PSMD13: variants seen among roughly 807,000 people sequenced by gnomAD.
The protein encoded by PSMD13 is 26S proteasome non-ATPase regulatory subunit 13.
PSMD13 carries 8 observed loss-of-function variants against 57.4 expected under a neutral mutation model. The observed-to-expected ratio is 0.14, with a 90% CI of 0.08 to 0.25. PSMD13 has a LOEUF of 0.25. PSMD13 is among the 10% of genes least tolerant of loss of function. PSMD13 has a pLI of 1.00. For synonymous variants in PSMD13, 193 were observed against 168.2 expected, an observed-to-expected ratio of 1.15 and a Z score of -1.14; for missense variants, 400 against 461.5, an observed-to-expected ratio of 0.87 and a Z score of 1.22.
intron 6 of PSMD13, among the ~76,000 whole-genome samples, chr11:245,559 G>A (rs938020446): frequency 6.6e-6 from 1 of 151,958 alleles, no homozygotes; most frequent in African/African-American, 2.4e-5. Context: ...GTTCAATTAT[G>A]TTTTGGTGCA....
intron 9 of PSMD13, among the ~76,000 whole-genome samples, chr11:249,333 T>C (rs1175477938): frequency 6.6e-6 from 1 of 151,890 alleles, no homozygotes. Context: ...TCACAGAAGA[T>C]GTAGAAGTCA....
In PSMD13 at chr11:252,657, C is replaced by T; in HGVS notation, c.*57C>T. 1 of 1,524,702 alleles carries T rather than the reference C, an allele frequency of 6.6e-7. No individual in the cohort carries two copies. The highest frequency in any genetic ancestry group is 9.1e-7 in the Non-Finnish European group (1 of 1,101,250). The allele number at this position is 1,524,702 out of a possible 1,614,324, so 94.4% of individuals were successfully genotyped here. ...ACTCACCTGAGAGAGGCGTTTGCAG[C>T]CAATGAAGCTGGCTGCTCAGACGGT... On this transcript the variant is annotated 3_prime_UTR_variant, in exon 13 of 13. Coordinates refer to ENST00000532097, the MANE Select transcript of PSMD13 (RefSeq NM_002817.4). This position sits in a 1 kb window ranked among gnomAD's most constrained non-coding sequence, Gnocchi z 4.1.
intron 2 of PSMD13, among the ~76,000 whole-genome samples, chr11:239,823 C>G (rs1456524067): frequency 6.6e-6 from 1 of 152,114 alleles, no homozygotes; most frequent in East Asian, 1.9e-4. Context: ...ATGGCTTTCT[C>G]TGATTCTGAA....
intron 1 of PSMD13, among the ~76,000 whole-genome samples, chr11:237,831 T>C (rs1859377010): frequency 6.6e-6 from 1 of 152,234 alleles, no homozygotes. Context: ...AACCTCCTTT[T>C]AATATGAGTA....
intron 6 of PSMD13, among the ~76,000 whole-genome samples, chr11:245,703 T>C: frequency 4.6e-5 from 1 of 21,844 alleles, no homozygotes; most frequent in African/African-American, 1.2e-4. Context: ...TTCGTGTGTT[T>C]GTGTGTGTTT....
chr11:243,565 C>A (rs150905684), intron 2 of PSMD13: 12 of 358,324 alleles, frequency 3.3e-5, no homozygotes, highest in Non-Finnish European at 4.9e-5. Context: ...CAGTGGTCTT[C>A]TTATTATTTA....
chr11:252,426 C>A lies in PSMD13; in HGVS notation c.1036-79C>A. On this transcript the variant is annotated intron_variant, in intron 12 of 12. Coordinates refer to ENST00000532097, the MANE Select transcript of PSMD13 (RefSeq NM_002817.4). The surrounding 1 kb of genome is among the most constrained non-coding windows in gnomAD (Gnocchi z 4.1). ...AGTTAGCTGGAGATGTAGAGTCACC[C>A]CATCAGGTGCTGTGCCGGCCGCTCG... 1 of 1,309,464 alleles carries A rather than the reference C, an allele frequency of 7.6e-7. No individual in the cohort carries two copies. Among genetic ancestry groups the A allele is most frequent in the South Asian group, 1.2e-5 (1 of 83,504 alleles). The allele number at this position is 1,309,464 out of a possible 1,614,324, so 81.1% of individuals were successfully genotyped here.
intron 7 of PSMD13, chr11:248,214 T>C (rs554863444): frequency 6.5e-6 from 1 of 153,272 alleles, no homozygotes; most frequent in South Asian, 2.0e-4. Flanking sequence ...CCTGTGAGTT[T>C]TGGAAAAAGT....
chr11:250,230 G>T (rs1210182686), intron 9 of PSMD13, among the ~76,000 whole-genome samples: 2 of 152,210 alleles, frequency 1.3e-5, no homozygotes, highest in Non-Finnish European at 2.9e-5. Flanking sequence ...GTTTAATTCT[G>T]TGCTCACAGG....
chr11:247,582 A>G, intron 7 of PSMD13, 134 bp downstream of exon 7: 2 of 994,158 alleles, frequency 2.0e-6, no homozygotes, highest in Non-Finnish European at 2.9e-6. Context: ...CTGTAATCCC[A>G]GCACTTTGGA....
At chr11:250,739 C>A in intron 9 of PSMD13, 64 bp from the exon 10 acceptor site, 1 of 1,473,852 alleles carries the variant, frequency 6.8e-7, no homozygotes, top group South Asian at 1.1e-5. Flanking sequence ...ATTCCAGATC[C>A]CCAGTTAAGT....
At chr11:250,738 C>A in intron 9 of PSMD13, 65 bp from the exon 10 acceptor site, 1 of 1,462,492 alleles carries the variant, frequency 6.8e-7, no homozygotes, top group South Asian at 1.1e-5. Context: ...AATTCCAGAT[C>A]CCCAGTTAAG....
rs1038156201 is a variant in PSMD13 at position 251,306 on chromosome 11, C to T, written c.838-240C>T. 13 of 521,610 alleles carry T rather than the reference C, an allele frequency of 2.5e-5. No individual in the cohort carries two copies. Among genetic ancestry groups the T allele is most frequent in the African/African-American group, 3.8e-5 (2 of 52,104 alleles). 32.3% of individuals were successfully genotyped at this position (521,610 alleles called of 1,614,324 possible). A position where few individuals can be genotyped will look rare whatever the true frequency, so the allele number is the denominator to read the frequency against. ...CAAATTGTGGCCTCAAGTACTTGTT[C>T]GGGGATTGAACAATGGCTACTGTCA... On this transcript the variant is annotated intron_variant, in intron 10 of 12. Coordinates refer to ENST00000532097, the MANE Select transcript of PSMD13 (RefSeq NM_002817.4). This position sits in a 1 kb window ranked among gnomAD's most constrained non-coding sequence, Gnocchi z 4.6.
intron 2 of PSMD13, among the ~76,000 whole-genome samples, chr11:242,065 A>G (rs1590247147): frequency 6.7e-6 from 1 of 150,258 alleles, no homozygotes; most frequent in South Asian, 2.1e-4. Flanking sequence ...ATTCCTTGAA[A>G]CTCAGTATTG....
At chr11:246,201 G>A (rs1229208570) in intron 6 of PSMD13, among the ~76,000 whole-genome samples, 1 of 152,176 alleles carries the variant, frequency 6.6e-6, no homozygotes, top group Non-Finnish European at 1.5e-5. Context: ...TATGTATCCA[G>A]TCTCCTATTG....
chr11:251,889 C>A lies in PSMD13; in HGVS notation c.988C>A (p.Arg330=), dbSNP rs543816265. The A allele has an allele frequency of 6.2e-7, 1 of 1,614,168 alleles. No individual in the cohort carries two copies. Among genetic ancestry groups the A allele is most frequent in the African/African-American group, 1.3e-5 (1 of 75,040 alleles). ...AGGCAGTATAGACGAGGTGGACAAA[C>A]GAGTCCACATGACCTGGGTGCAGCC... is the stretch of plus-strand genomic sequence containing the variant. ...VKGSIDEVDK[R]VHMTWVQPRV... The change falls in exon 12 of 13, where the codon CGA becomes AGA. Residue 330 remains arginine, a synonymous_variant. Transcript: ENST00000532097. This position sits in a 1 kb window ranked among gnomAD's most constrained non-coding sequence, Gnocchi z 4.6.
At chr11:244,309 A>G in intron 4 of PSMD13, 93 bp downstream of exon 4, 2 of 1,582,148 alleles carry the variant, frequency 1.3e-6, no homozygotes, top group South Asian at 1.2e-5. Context: ...TCTGTATCAG[A>G]TATTATGTTT....
intron 9 of PSMD13, among the ~76,000 whole-genome samples, chr11:249,728 A>G (rs970622619): frequency 3.3e-5 from 5 of 152,164 alleles, no homozygotes. Flanking sequence ...AAGGTGCTCA[A>G]CAAGGGCTTG....
chr11:237,312 T>C (rs3817629), intron 1 of PSMD13, among the ~76,000 whole-genome samples, 168 bp downstream of exon 1: 120,693 of 152,124 alleles, frequency 0.79, 48,178 homozygotes, highest in African/African-American at 0.88. Flanking sequence ...TGAGGAACCT[T>C]GAGTGGCAGG....
Sources: gnomAD v4.1 joint callset for allele counts (sites outside exome capture counted in the v4.1 genomes callset) on GRCh38, gnomAD v4.1.1 for gene constraint, Gnocchi (gnomAD v3.1) non-coding constraint, MANE v1.5 for transcripts, NCBI Gene and HGNC (gene_info 2026-07-23, HGNC 2026-07-21) for gene names.